ZNRF3: variants seen among roughly 807,000 people sequenced by gnomAD.
ZNRF3 encodes zinc and ring finger 3.
ZNRF3 carries 23 observed loss-of-function variants against 72.5 expected under a neutral mutation model. The ratio of observed to expected loss-of-function variants is 0.32; its 90% CI spans 0.23 to 0.45. ZNRF3 has a LOEUF of 0.45. ZNRF3 is among the 20% of genes least tolerant of loss of function. ZNRF3 has a pLI of 1.00. For missense variants in ZNRF3, 1,169 were observed against 1,272.1 expected (o/e 0.92, Z 1.23); for synonymous variants, 610 against 545.3 (o/e 1.12, Z -1.65).
At chr22:28,987,270 C>A in intron 2 of ZNRF3, 69 bp downstream of exon 2, 1 of 1,555,736 alleles carries the variant, frequency 6.4e-7, no homozygotes, top group Non-Finnish European at 8.7e-7. Flanking sequence ...TTCAGCATTC[C>A]TCAAATAGTT....
In ZNRF3 at chr22:29,050,469, C is replaced by A; in HGVS notation, c.2288C>A (p.Pro763His). The A allele has an allele frequency of 1.2e-6, 2 of 1,612,626 alleles. No homozygotes were observed. Among genetic ancestry groups the A allele is most frequent in the South Asian group, 2.2e-5 (2 of 91,074 alleles). The change falls in exon 8 of 9, where the codon CCC (proline) becomes CAC (histidine). Residue 763 changes from proline (P) to histidine (H), a missense_variant. Transcript: ENST00000544604. ...GSSQGLYGLHPDHLPRTDGVK... is the reference protein window; with the variant it reads ...GSSQGLYGLHHDHLPRTDGVK... ...TCCCAGGGCTTGTACGGCCTTCACC[C>A]CGACCATTTGCCCAGGACAGATGGG...
chr22:29,005,609 C>G (rs889644371), intron 2 of ZNRF3, among the ~76,000 whole-genome samples: 3 of 152,168 alleles, frequency 2.0e-5, no homozygotes, highest in Non-Finnish European at 4.4e-5. Flanking sequence ...GAGGGTGGTA[C>G]CTGTTCACTC....
chr22:28,944,010 G>A (rs2034999783), intron 1 of ZNRF3, among the ~76,000 whole-genome samples: 1 of 149,628 alleles, frequency 6.7e-6, no homozygotes, highest in African/African-American at 2.5e-5. Context: ...AAAGAACCCC[G>A]GATTAAGGCC....
intron 1 of ZNRF3, among the ~76,000 whole-genome samples, chr22:28,910,822 G>T (rs1347549635): frequency 3.3e-5 from 5 of 152,192 alleles, no homozygotes; most frequent in African/African-American, 1.2e-4. Flanking sequence ...AAGGAAGATT[G>T]GTGCTTGGAT....
intron 2 of ZNRF3, among the ~76,000 whole-genome samples, chr22:29,015,405 C>T (rs1569281892): frequency 6.6e-6 from 1 of 152,160 alleles, no homozygotes; most frequent in Non-Finnish European, 1.5e-5. Context: ...CACGGTGGCT[C>T]ATGCCTATAA....
chr22:29,031,554 A>G (rs2036757297), intron 2 of ZNRF3: 1 of 984,616 alleles, frequency 1.0e-6, no homozygotes, highest in Non-Finnish European at 1.2e-6. Context: ...GCAGCTGACC[A>G]GAATGTTCAA....
At chr22:29,000,199 C>T (rs940559858) in intron 2 of ZNRF3, among the ~76,000 whole-genome samples, 3 of 152,164 alleles carry the variant, frequency 2.0e-5, no homozygotes, top group Admixed American at 6.5e-5. Context: ...TCAACACATT[C>T]CATTTGTTCT....
intron 2 of ZNRF3, among the ~76,000 whole-genome samples, chr22:29,000,087 C>T (rs2036117203): frequency 6.6e-6 from 1 of 152,170 alleles, no homozygotes; most frequent in Non-Finnish European, 1.5e-5. Context: ...GCTTTTTGTG[C>T]TGAGTATTAA....
chr22:28,950,124 C>T (rs963272910), intron 1 of ZNRF3, among the ~76,000 whole-genome samples: 1 of 152,182 alleles, frequency 6.6e-6, no homozygotes, highest in Non-Finnish European at 1.5e-5. Context: ...ATTCTTGCAA[C>T]AGTTTTTCCC....
chr22:28,952,691 A>G (rs1006871884), intron 1 of ZNRF3, among the ~76,000 whole-genome samples: 3 of 152,102 alleles, frequency 2.0e-5, no homozygotes, highest in Admixed American at 1.3e-4. Context: ...GCTTGAGTTA[A>G]TTTTTTTCTG....
intron 2 of ZNRF3, among the ~76,000 whole-genome samples, chr22:28,998,744 G>C (rs1191916686): frequency 6.6e-6 from 1 of 152,190 alleles, no homozygotes; most frequent in Non-Finnish European, 1.5e-5. Context: ...GACATTTTTA[G>C]CTATAAAAGG....
At chr22:28,987,765 A>G (rs2035882261) in intron 2 of ZNRF3, among the ~76,000 whole-genome samples, 1 of 152,236 alleles carries the variant, frequency 6.6e-6, no homozygotes, top group Non-Finnish European at 1.5e-5. Context: ...GTTCAGGTCC[A>G]TTAAGTTTTG....
At chr22:28,937,201 ATATATATATATATATT>A (rs1408417504) in intron 1 of ZNRF3, among the ~76,000 whole-genome samples, 2 of 4,394 alleles carry the variant, frequency 4.6e-4, no homozygotes, top group Admixed American at 3.2e-3. Context: ...ATATATATAT[ATATATATATATATATT>A]TTTTTTTTTT....
chr22:28,927,099 T>G (rs370786219), intron 1 of ZNRF3, among the ~76,000 whole-genome samples: 71 of 151,022 alleles, frequency 4.7e-4, no homozygotes, highest in African/African-American at 1.6e-3. Context: ...GAGTGAGACT[T>G]CATCTCAAAA....
intron 2 of ZNRF3, among the ~76,000 whole-genome samples, chr22:29,010,076 T>A (rs1272080942): frequency 6.6e-6 from 1 of 151,784 alleles, no homozygotes; most frequent in Non-Finnish European, 1.5e-5. Flanking sequence ...CTGGCTAATT[T>A]TTTTTTGTAT....
At chr22:28,959,032 ACT>A (rs1348169965) in intron 1 of ZNRF3, among the ~76,000 whole-genome samples, 60 of 152,040 alleles carry the variant, frequency 3.9e-4, no homozygotes, top group African/African-American at 1.4e-3. Context: ...CCTTTTGCAT[ACT>A]CTCATCCTTC....
chr22:28,958,984 T>C (rs1014091826), intron 1 of ZNRF3, among the ~76,000 whole-genome samples: 1 of 152,250 alleles, frequency 6.6e-6, no homozygotes, highest in Non-Finnish European at 1.5e-5. Flanking sequence ...CGTTCTGGTA[T>C]GAAATTTCTC....
intron 1 of ZNRF3, among the ~76,000 whole-genome samples, chr22:28,904,758 T>G (rs2034173844): frequency 6.6e-6 from 1 of 152,074 alleles, no homozygotes; most frequent in African/African-American, 2.4e-5. Context: ...TTCTTTTTGC[T>G]TCTTTGGTAA....
intron 1 of ZNRF3, among the ~76,000 whole-genome samples, chr22:28,890,131 G>C (rs539382185): frequency 6.6e-6 from 1 of 152,322 alleles, no homozygotes; most frequent in African/African-American, 2.4e-5. Context: ...GTTATTTCCA[G>C]AAACTTGCTT....
Sources: gnomAD v4.1 joint callset for allele counts (sites outside exome capture counted in the v4.1 genomes callset) on GRCh38, gnomAD v4.1.1 for gene constraint, MANE v1.5 for transcripts, NCBI Gene and HGNC (gene_info 2026-07-23, HGNC 2026-07-21) for gene names.